SREBF2: variants seen among roughly 807,000 people sequenced by gnomAD.
SREBF2 encodes the protein sterol regulatory element binding transcription factor 2.
In SREBF2, 55 loss-of-function variants were observed where a neutral mutation model predicts 113.1. That is an observed-to-expected ratio of 0.49 (90% CI 0.39 to 0.61). The LOEUF is 0.61. SREBF2 is among the 20% of genes least tolerant of loss of function. The pLI is 0.00. For missense variants in SREBF2, 1,349 were observed against 1,487.4 expected, an observed-to-expected ratio of 0.91 and a Z score of 1.53; for synonymous variants, 593 against 605.7, an observed-to-expected ratio of 0.98 and a Z score of 0.31.
chr22:41,890,324 T>G lies in SREBF2; in HGVS notation c.2209-2793T>G, dbSNP rs1462618507. On this transcript the variant is annotated intron_variant, in intron 11 of 18. Coordinates refer to ENST00000361204, the MANE Select transcript of SREBF2 (RefSeq NM_004599.4). The stretch of plus-strand genomic sequence containing the variant: ...GTGTGGTCTCAATGCTGAGGCTGCA[T>G]GCTCTCCCCATCTAGTCACTTACAG... 2.0e-5 allele frequency among the ~76,000 whole-genome samples: 3 copies of G among 152,230 alleles called. 1 individual carries two copies. Among genetic ancestry groups the G allele is most frequent in the Non-Finnish European group, 4.4e-5 (3 of 68,038 alleles).
Position 41,885,137 on chromosome 22 carries a change from GCATT to G in SREBF2, c.2208+133_2208+136del. ...GCTGCCCACCTGGAGGGGTAGGCAG[GCATT>G]CATTCAGTCGCTCATTTCACCAGGA... On this transcript the variant is annotated intron_variant, in intron 11 of 18. Coordinates refer to ENST00000361204, the MANE Select transcript of SREBF2 (RefSeq NM_004599.4). 3 of 1,165,494 alleles carry G rather than the reference GCATT, an allele frequency of 2.6e-6. No homozygotes were observed. In the South Asian group the frequency reaches 4.0e-5, roughly 15 times the overall value. 72.2% of individuals were successfully genotyped at this position (1,165,494 alleles called of 1,614,324 possible).
In SREBF2 at chr22:41,905,099, AGAAT is replaced by A; in HGVS notation, c.3205+129_3205+132del. ...GCCCAGCACACCTCTCGCCTCTCTG[AGAAT>A]GAAAGAAGCCCGAGGCCGCCCTTGG... On this transcript the variant is annotated intron_variant, in intron 18 of 18. Coordinates refer to ENST00000361204, the MANE Select transcript of SREBF2 (RefSeq NM_004599.4). The A allele has an allele frequency of 3.1e-6, 3 of 961,082 alleles. No homozygotes were observed. The South Asian group carries it at 4.6e-5, about 15-fold the overall frequency. 59.5% of individuals were successfully genotyped at this position (961,082 alleles called of 1,614,324 possible).
At chr22:41,884,727 A>T (rs1302506345) in intron 10 of SREBF2, 115 bp from the exon 11 acceptor site, 2 of 1,125,582 alleles carry the variant, frequency 1.8e-6, no homozygotes, top group African/African-American at 3.1e-5. Context: ...CTGATCACAA[A>T]GTTCACCTCG....
chr22:41,869,723 A>G (rs1201464044), intron 3 of SREBF2, among the ~76,000 whole-genome samples: 1 of 151,214 alleles, frequency 6.6e-6, no homozygotes, highest in Non-Finnish European at 1.5e-5. Context: ...GGCCTCAAAC[A>G]GTGCATCGAT....
intron 17 of SREBF2, chr22:41,904,630 G>A: frequency 1.4e-6 from 1 of 692,552 alleles, no homozygotes; most frequent in Non-Finnish European, 2.7e-6. Flanking sequence ...GGGAAAAGCA[G>A]GCCTTTTGCC....
chr22:41,849,929 G>C (rs949295617), intron 1 of SREBF2, among the ~76,000 whole-genome samples: 35 of 144,210 alleles, frequency 2.4e-4, no homozygotes, highest in African/African-American at 8.6e-4. Flanking sequence ...ACGAGGTCAG[G>C]AGATCGAGAC....
At chr22:41,867,813 G>GAA (rs527717029) in intron 2 of SREBF2, among the ~76,000 whole-genome samples, 16 of 144,896 alleles carry the variant, frequency 1.1e-4, no homozygotes, top group African/African-American at 3.3e-4. Context: ...ATCTTAAAAA[G>GAA]AAAAAAAAAA....
intron 7 of SREBF2, 61 bp from the exon 8 acceptor site, chr22:41,877,168 T>G: frequency 4.0e-6 from 6 of 1,495,806 alleles, no homozygotes; most frequent in Non-Finnish European, 5.6e-6. Context: ...ATATATGTAT[T>G]TATAAAGTGC....
intron 1 of SREBF2, among the ~76,000 whole-genome samples, chr22:41,846,525 T>C (rs2076878102): frequency 1.3e-5 from 2 of 152,182 alleles, no homozygotes; most frequent in African/African-American, 2.4e-5. Flanking sequence ...GGAACAAAAG[T>C]GGCAAATGCC....
At chr22:41,891,078 C>A (rs1157994804) in intron 11 of SREBF2, among the ~76,000 whole-genome samples, 1 of 152,040 alleles carries the variant, frequency 6.6e-6, no homozygotes, top group Non-Finnish European at 1.5e-5. Flanking sequence ...TCTCCTGGAG[C>A]AGCCACCAGG....
chr22:41,866,823 G>A lies in SREBF2; in HGVS notation c.89-8G>A. On this transcript the variant is annotated splice_polypyrimidine_tract_variant and splice_region_variant and intron_variant, in intron 1 of 18. Coordinates refer to ENST00000361204, the MANE Select transcript of SREBF2 (RefSeq NM_004599.4). ...GCAATAAAATTACTCCTTTTCTTTT[G>A]TTCACAGAGATGCTGCAATTTGTCA... 6.2e-7 allele frequency: 1 copy of A among 1,614,120 alleles called. No homozygotes were observed. The highest frequency in any genetic ancestry group is 8.5e-7 in the Non-Finnish European group (1 of 1,180,000).
chr22:41,833,211 C>T lies in SREBF2; in HGVS notation c.-60C>T, dbSNP rs2076728485. 2.1e-6 allele frequency: 3 copies of T among 1,397,260 alleles called. No individual in the cohort carries two copies. Among genetic ancestry groups the T allele is most frequent in the African/African-American group, 1.5e-5 (1 of 66,870 alleles). 86.6% of individuals were successfully genotyped at this position (1,397,260 alleles called of 1,614,324 possible). A position where few individuals can be genotyped will look rare whatever the true frequency, so the allele number is the denominator to read the frequency against. On this transcript the variant is annotated 5_prime_UTR_variant, in exon 1 of 19. Coordinates refer to ENST00000361204, the MANE Select transcript of SREBF2 (RefSeq NM_004599.4). The surrounding 1 kb of genome is among the most constrained non-coding windows in gnomAD (Gnocchi z 4.1). ...CGGGTGTCATGGGCGGTGGCGACGG[C>T]ACCGCCCCCGCGTCTCCCTGAGCGG...
At chr22:41,881,501 TAG>T (rs1417375855) in intron 10 of SREBF2, among the ~76,000 whole-genome samples, 1 of 152,138 alleles carries the variant, frequency 6.6e-6, no homozygotes, top group Non-Finnish European at 1.5e-5. Context: ...TCTGGGGAAG[TAG>T]AGTCTTGGCT....
chr22:41,899,691 C>A, intron 15 of SREBF2: 3 of 586,828 alleles, frequency 5.1e-6, no homozygotes, highest in Non-Finnish European at 6.5e-6. Flanking sequence ...GTATGTGTGT[C>A]TCCCCCAGTC....
chr22:41,897,844 C>T (rs563030610), intron 14 of SREBF2, among the ~76,000 whole-genome samples: 26 of 152,270 alleles, frequency 1.7e-4, no homozygotes, highest in African/African-American at 5.1e-4. Flanking sequence ...TGACCATCCC[C>T]GCTGGTTTTG....
rs115209615 is a variant in SREBF2, at chr22:41,875,838, A to G, written c.1386+114A>G. 1.2e-3 allele frequency: 1,471 copies of G among 1,232,852 alleles called. 15 individuals are homozygous for G. The African/African-American group carries it at 0.019, about 16-fold the overall frequency. 76.4% of individuals were successfully genotyped at this position (1,232,852 alleles called of 1,614,324 possible). On this transcript the variant is annotated intron_variant, in intron 7 of 18. Transcript: ENST00000361204. ...CGCATGTTAAGAGGGCCTAGCCTGG[A>G]GAAAAACAGGAATTCTGTGAAATTA...
At chr22:41,885,068 A>C (rs543083015) in intron 11 of SREBF2, 57 bp downstream of exon 11, 7 of 1,598,010 alleles carry the variant, frequency 4.4e-6, no homozygotes, top group African/African-American at 1.3e-5. Context: ...CCTAGCCAGG[A>C]GTTAAGATGC....
chr22:41,844,033 T>TACACACACACACACAC lies in SREBF2; in HGVS notation c.88+10692_88+10707dup, dbSNP rs71311415. On this transcript the variant is annotated intron_variant, in intron 1 of 18. Transcript: ENST00000361204. ...CCTGTCTCAAAAAAAAAAAAATACA[T>TACACACACACACACAC]ACACACACACACACACACACACACA... is the stretch of plus-strand genomic sequence containing the variant. Among the ~76,000 whole-genome samples, 239 of 123,132 alleles carry TACACACACACACACAC rather than the reference T, an allele frequency of 1.9e-3. 2 individuals are homozygous for TACACACACACACACAC. The highest frequency in any genetic ancestry group is 8.2e-3 in the South Asian group (33 of 4,028). The allele number at this position is 123,132 out of a possible 152,430, so 80.8% of individuals were successfully genotyped here.
chr22:41,899,915 A>G, intron 15 of SREBF2: 1 of 1,126,654 alleles, frequency 8.9e-7, no homozygotes, highest in Non-Finnish European at 1.1e-6. Flanking sequence ...AGTCTCCTCT[A>G]CAGAAAGAAG....
Sources: gnomAD v4.1 joint callset for allele counts (sites outside exome capture counted in the v4.1 genomes callset) on GRCh38, gnomAD v4.1.1 for gene constraint, Gnocchi (gnomAD v3.1) non-coding constraint, MANE v1.5 for transcripts, NCBI Gene and HGNC (gene_info 2026-07-23, HGNC 2026-07-21) for gene names.